Variants in SPIDR observed in about 807,000 individuals in gnomAD.
SPIDR encodes DNA repair-scaffolding protein.
A neutral mutation model predicts 104.6 loss-of-function variants in SPIDR; 93 were observed. The observed-to-expected ratio is 0.89, with a 90% confidence interval of 0.75 to 1.06. SPIDR has a LOEUF of 1.06. SPIDR is among the 50% of genes least tolerant of loss of function. The pLI is 0.00. For missense variants in SPIDR, 1,154 were observed against 1,111.2 expected, an observed-to-expected ratio of 1.04 and a Z score of -0.55; for synonymous variants, 431 against 416.9, an observed-to-expected ratio of 1.03 and a Z score of -0.41.
At chr8:47,391,387 A>T (rs1325114312) in intron 5 of SPIDR, among the ~76,000 whole-genome samples, 2 of 151,800 alleles carry the variant, frequency 1.3e-5, no homozygotes, top group South Asian at 2.1e-4. Flanking sequence ...AAAAAAATTT[A>T]AAAATAGCCA....
chr8:47,577,392 T>G (rs981451681), intron 8 of SPIDR, among the ~76,000 whole-genome samples: 1 of 152,218 alleles, frequency 6.6e-6, no homozygotes, highest in Non-Finnish European at 1.5e-5. Flanking sequence ...TCCTGAGAGT[T>G]GAGTAGCTGT....
At chr8:47,292,531 G>GAGC (rs2040102470) in intron 4 of SPIDR, among the ~76,000 whole-genome samples, 1 of 152,162 alleles carries the variant, frequency 6.6e-6, no homozygotes, top group Non-Finnish European at 1.5e-5. Context: ...TTACACATGT[G>GAGC]AGCTGTCGCG....
At chr8:47,522,087 C>G (rs983579186) in intron 8 of SPIDR, among the ~76,000 whole-genome samples, 2 of 151,252 alleles carry the variant, frequency 1.3e-5, no homozygotes, top group South Asian at 4.2e-4. Context: ...TCGCTTGAAC[C>G]TGAGAGACAG....
At chr8:47,379,675 G>A (rs939328429) in intron 5 of SPIDR, among the ~76,000 whole-genome samples, 7 of 152,192 alleles carry the variant, frequency 4.6e-5, no homozygotes, top group African/African-American at 9.7e-5. Flanking sequence ...CAGACTCCTC[G>A]TAGAGGGCAC....
At chr8:47,452,299 G>T (rs1246411658) in intron 8 of SPIDR, among the ~76,000 whole-genome samples, 2 of 151,986 alleles carry the variant, frequency 1.3e-5, no homozygotes, top group Non-Finnish European at 2.9e-5. Context: ...GAAACTATGG[G>T]GGCCAGAAAG....
chr8:47,626,836 C>T (rs1262007368), intron 10 of SPIDR, among the ~76,000 whole-genome samples: 1 of 152,136 alleles, frequency 6.6e-6, no homozygotes, highest in Non-Finnish European at 1.5e-5. Flanking sequence ...GTGGCGATTC[C>T]TCAGGGATCT....
intron 10 of SPIDR, among the ~76,000 whole-genome samples, chr8:47,632,458 A>G (rs562401915): frequency 6.6e-6 from 1 of 152,332 alleles, no homozygotes; most frequent in African/African-American, 2.4e-5. Flanking sequence ...GTACCATTAT[A>G]GGTTTCAAAA....
At chr8:47,565,190 G>C (rs771831382) in intron 8 of SPIDR, among the ~76,000 whole-genome samples, 1 of 152,196 alleles carries the variant, frequency 6.6e-6, no homozygotes, top group African/African-American at 2.4e-5. Flanking sequence ...AGGTTGCGGT[G>C]AACCAAGATC....
intron 5 of SPIDR, among the ~76,000 whole-genome samples, chr8:47,386,336 C>G (rs1281773592): frequency 6.6e-6 from 1 of 151,984 alleles, no homozygotes; most frequent in Non-Finnish European, 1.5e-5. Context: ...ATGAAAAAAG[C>G]TTGAGGGAAA....
chr8:47,568,412 A>G (rs2058142426), intron 8 of SPIDR, among the ~76,000 whole-genome samples: 1 of 152,240 alleles, frequency 6.6e-6, no homozygotes, highest in Non-Finnish European at 1.5e-5. Flanking sequence ...AGAAAGCTCC[A>G]GGAAATTGTG....
intron 1 of SPIDR, among the ~76,000 whole-genome samples, chr8:47,275,832 G>A (rs1276870261): frequency 3.9e-5 from 6 of 151,992 alleles, no homozygotes; most frequent in Admixed American, 2.0e-4. Context: ...TTTTCTGTGC[G>A]TGTGTTTTTT....
At chr8:47,628,274 C>T (rs2066515380) in intron 10 of SPIDR, among the ~76,000 whole-genome samples, 1 of 152,134 alleles carries the variant, frequency 6.6e-6, no homozygotes, top group Non-Finnish European at 1.5e-5. Flanking sequence ...GTTTTTCCTC[C>T]AGTAACAGCA....
chr8:47,665,704 TA>T (rs2074818419), intron 10 of SPIDR, among the ~76,000 whole-genome samples: 1 of 152,196 alleles, frequency 6.6e-6, no homozygotes. Flanking sequence ...GGTGAGGACC[TA>T]AAATCATGTC....
intron 10 of SPIDR, among the ~76,000 whole-genome samples, chr8:47,616,306 A>G (rs1400549567): frequency 6.6e-6 from 1 of 152,170 alleles, no homozygotes; most frequent in Non-Finnish European, 1.5e-5. Flanking sequence ...AGTTTTCATC[A>G]ATGCCCTATG....
intron 8 of SPIDR, among the ~76,000 whole-genome samples, chr8:47,573,165 G>A (rs953577014): frequency 6.6e-6 from 1 of 152,162 alleles, no homozygotes; most frequent in Non-Finnish European, 1.5e-5. Flanking sequence ...GTGAAGTTAC[G>A]AGTGAAAAGT....
chr8:47,662,054 T>C (rs2074197778), intron 10 of SPIDR, among the ~76,000 whole-genome samples: 1 of 152,218 alleles, frequency 6.6e-6, no homozygotes, highest in African/African-American at 2.4e-5. Context: ...ATGCCGAGGC[T>C]GCTCTTCACT....
chr8:47,567,572 T>G (rs2058027738), intron 8 of SPIDR, among the ~76,000 whole-genome samples: 1 of 152,132 alleles, frequency 6.6e-6, no homozygotes, highest in South Asian at 2.1e-4. Flanking sequence ...GCCATTGCAT[T>G]CAAAGATCCT....
At position 47,721,702 on chromosome 8, in the gene SPIDR, C is replaced by G. The variant is rs886826291; in HGVS notation, c.2342-5498C>G. ...ATGTTAGCCAGGTTGGTCTCAATCT[C>G]CTGACCTCGTGATCCACCCACTTTG... On this transcript the variant is annotated intron_variant, in intron 16 of 19. Transcript: ENST00000297423. 6.6e-5 allele frequency among the ~76,000 whole-genome samples: 10 copies of G among 152,142 alleles called. 1 individual carries two copies. Among genetic ancestry groups the G allele is most frequent in the African/African-American group, 1.9e-4 (8 of 41,432 alleles).
At chr8:47,705,084 T>G (rs1365834602) in intron 14 of SPIDR, among the ~76,000 whole-genome samples, 1 of 152,236 alleles carries the variant, frequency 6.6e-6, no homozygotes, top group Non-Finnish European at 1.5e-5. Flanking sequence ...CTAACACTCC[T>G]GCCCACGGCC....
Sources: gnomAD v4.1 joint callset for allele counts (sites outside exome capture counted in the v4.1 genomes callset) on GRCh38, gnomAD v4.1.1 for gene constraint, MANE v1.5 for transcripts, NCBI Gene and HGNC (gene_info 2026-07-23, HGNC 2026-07-21) for gene names.